The following PREX1 variants were observed in gnomAD, a reference collection of about 807,000 sequenced individuals.
PREX1 encodes phosphatidylinositol-3,4,5-trisphosphate dependent Rac exchange factor 1, also known as phosphatidylinositol 3,4,5-trisphosphate-dependent Rac exchanger 1 protein.
A neutral mutation model predicts 198.3 loss-of-function variants in PREX1; 41 were observed. That is an observed-to-expected ratio of 0.21 (90% CI 0.16 to 0.27). The LOEUF (loss-of-function observed/expected upper bound fraction) is 0.27, where lower values mean the gene tolerates loss of function less well. PREX1 is among the 10% of genes least tolerant of loss of function. The pLI is 1.00. For missense variants in PREX1, 1,620 were observed against 2,200.7 expected, an observed-to-expected ratio of 0.74 and a Z score of 5.28; for synonymous variants, 843 against 887.2, an observed-to-expected ratio of 0.95 and a Z score of 0.89.
intron 29 of PREX1, among the ~76,000 whole-genome samples, chr20:48,641,854 GGAAGGAAGGA>G (rs1568796622): frequency 1.4e-4 from 8 of 57,376 alleles, no homozygotes; most frequent in African/African-American, 3.7e-4. Context: ...AAGGAAGGAA[GGAAGGAAGGA>G]AGGAAGGAAG....
chr20:48,649,874 T>A (rs1370496046), intron 24 of PREX1, 122 bp downstream of exon 24: 1 of 1,174,256 alleles, frequency 8.5e-7, no homozygotes, highest in African/African-American at 1.5e-5. Flanking sequence ...AGAGAGAAGG[T>A]CATCCCTGAT....
At chr20:48,769,751 C>T (rs555996816) in intron 1 of PREX1, among the ~76,000 whole-genome samples, 26 of 152,338 alleles carry the variant, frequency 1.7e-4, no homozygotes, top group African/African-American at 5.8e-4. Context: ...GTCACCTCCT[C>T]AGTGAAGCCT....
chr20:48,849,238 GAT>G, the PREX1 span, among the ~76,000 whole-genome samples: 2 of 151,868 alleles, frequency 1.3e-5, no homozygotes, highest in African/African-American at 4.8e-5. Context: ...GTTTTCTATA[GAT>G]ATATATATAC....
chr20:48,886,505 C>T, the PREX1 span, among the ~76,000 whole-genome samples: 1 of 152,170 alleles, frequency 6.6e-6, no homozygotes, highest in Non-Finnish European at 1.5e-5. Flanking sequence ...CACCCAGAAG[C>T]ACTTACAAAC....
chr20:48,744,753 G>A (rs950143422), intron 3 of PREX1, among the ~76,000 whole-genome samples: 1 of 152,212 alleles, frequency 6.6e-6, no homozygotes, highest in African/African-American at 2.4e-5. Flanking sequence ...CCAGGAGGTC[G>A]CAGGACTCCA....
At chr20:48,862,365 T>G in the PREX1 span, among the ~76,000 whole-genome samples, 1 of 152,144 alleles carries the variant, frequency 6.6e-6, no homozygotes, top group Non-Finnish European at 1.5e-5. Context: ...AAGGATAGCT[T>G]TTATTGAGCA....
intron 4 of PREX1, among the ~76,000 whole-genome samples, chr20:48,729,541 C>T (rs1398782452): frequency 6.6e-6 from 1 of 152,120 alleles, no homozygotes; most frequent in Non-Finnish European, 1.5e-5. Flanking sequence ...TGTTTATTTC[C>T]CTCTCCTACC....
intron 16 of PREX1, among the ~76,000 whole-genome samples, chr20:48,659,132 G>GGAGAGGAGAGAGGA (rs1179860548): frequency 6.8e-6 from 1 of 147,064 alleles, no homozygotes; most frequent in South Asian, 2.2e-4. Context: ...GGGAGGCAGA[G>GGAGAGGAGAGAGGA]GAGAGGAGAG....
intron 1 of PREX1, among the ~76,000 whole-genome samples, chr20:48,765,104 G>A (rs1346561945): frequency 6.6e-6 from 1 of 152,196 alleles, no homozygotes; most frequent in Non-Finnish European, 1.5e-5. Context: ...CTCGAAACAT[G>A]TACACGAAAG....
chr20:48,855,472 A>C, the PREX1 span, among the ~76,000 whole-genome samples: 2 of 152,164 alleles, frequency 1.3e-5, no homozygotes, highest in East Asian at 3.9e-4. Context: ...AGACTCATTC[A>C]ATCCTACAGT....
At chr20:48,775,511 G>C (rs1220183364) in intron 1 of PREX1, among the ~76,000 whole-genome samples, 2 of 152,120 alleles carry the variant, frequency 1.3e-5, no homozygotes, top group East Asian at 1.9e-4. Flanking sequence ...ACAATGGCTG[G>C]AGCAGAGTGA....
At chr20:48,688,542 C>T (rs1340428471) in intron 10 of PREX1, 115 bp downstream of exon 10, 3 of 1,368,842 alleles carry the variant, frequency 2.2e-6, no homozygotes, top group Non-Finnish European at 3.0e-6. Context: ...CCTTTTGTCA[C>T]TCTGCCCAGG....
At chr20:48,812,912 A>G (rs2090442741) in intron 1 of PREX1, among the ~76,000 whole-genome samples, 1 of 152,274 alleles carries the variant, frequency 6.6e-6, no homozygotes, top group African/African-American at 2.4e-5. Flanking sequence ...ACCAAATGCA[A>G]GGAACAAAGA....
Position 48,627,974 on chromosome 20 carries a change from G to C in PREX1, c.4767-11C>G. ...ACGCTCAGGGTGCTCCTGCAGCAGG[G>C]GAGGGAGGACAGCGGGTTGGCGGTG... is the stretch of plus-strand genomic sequence containing the variant. On this transcript the variant is annotated splice_polypyrimidine_tract_variant and intron_variant, in intron 37 of 39. Transcript: ENST00000371941. The C allele has an allele frequency of 1.2e-6, 2 of 1,602,902 alleles. No homozygotes were observed. Among genetic ancestry groups the C allele is most frequent in the Non-Finnish European group, 1.7e-6 (2 of 1,175,372 alleles).
At chr20:48,632,990 C>T (rs899949392) in intron 33 of PREX1, among the ~76,000 whole-genome samples, 2 of 152,222 alleles carry the variant, frequency 1.3e-5, no homozygotes, top group African/African-American at 4.8e-5. Context: ...TTCCCCAGCG[C>T]TCCTTGTACC....
At chr20:48,642,633 G>T in intron 27 of PREX1, 144 bp from the exon 28 acceptor site, 2 of 697,018 alleles carry the variant, frequency 2.9e-6, no homozygotes, top group Non-Finnish European at 4.7e-6. Flanking sequence ...CTGGCTGTGA[G>T]CCACAGGGCA....
intron 8 of PREX1, 24 bp downstream of exon 8, chr20:48,692,648 A>G: frequency 6.3e-7 from 1 of 1,586,288 alleles, no homozygotes. Flanking sequence ...GGCAGGGCTC[A>G]GGCAAGGCTG....
At chr20:48,651,827 G>A (rs1003528934) in intron 21 of PREX1, among the ~76,000 whole-genome samples, 2 of 152,250 alleles carry the variant, frequency 1.3e-5, no homozygotes, top group Non-Finnish European at 2.9e-5. Flanking sequence ...GGGAGCCATC[G>A]GAAGGTTCTC....
In PREX1 at chr20:48,747,001, CACACACACA is replaced by C. The variant is rs1568848713; in HGVS notation, c.291+799_291+807del. On this transcript the variant is annotated intron_variant, in intron 2 of 39. Coordinates refer to ENST00000371941, the MANE Select transcript of PREX1 (RefSeq NM_020820.4). ...ACACACACACACACACACACACACA[CACACACACA>C]CCCCACCCCCAGGAGGAGCCATGCA... Among the ~76,000 whole-genome samples the C allele has an allele frequency of 6.6e-4, 72 of 108,876 alleles. No individual in the cohort carries two copies. The East Asian group carries it at 6.7e-3, about 10-fold the overall frequency. The allele number at this position is 108,876 out of a possible 152,430, so 71.4% of individuals were successfully genotyped here.
Sources: allele counts gnomAD v4.1 joint callset (sites outside exome capture counted in the v4.1 genomes callset), GRCh38; gene constraint gnomAD v4.1.1; transcripts MANE v1.5; gene names NCBI Gene and HGNC (gene_info 2026-07-23, HGNC 2026-07-21).